The following ESR2 variants were observed in gnomAD, a reference collection of about 807,000 sequenced individuals.
The protein encoded by ESR2 is estrogen receptor beta.
Under a neutral mutation model 49.6 loss-of-function variants are expected in ESR2, and 36 were observed. The ratio of observed to expected loss-of-function variants is 0.73; its 90% confidence interval spans 0.56 to 0.96. The LOEUF (loss-of-function observed/expected upper bound fraction) is 0.96. Ranked by LOEUF, ESR2 falls within the 40% of genes least tolerant of loss-of-function variation. The pLI is 0.00. For missense variants in ESR2, 714 were observed against 693.0 expected (o/e 1.03, Z -0.34); for synonymous variants, 320 against 266.1 (o/e 1.20, Z -1.97).
chr14:64,267,712 T>C (rs2076359749), intron 4 of ESR2, among the ~76,000 whole-genome samples: 1 of 143,832 alleles, frequency 7.0e-6, no homozygotes. Context: ...CCATCTCTAC[T>C]AAAAATACAA....
At chr14:64,330,204 T>G (rs1156351129) in intron 1 of ESR2, 1 of 151,254 alleles carries the variant, frequency 6.6e-6, no homozygotes, top group Non-Finnish European at 1.5e-5. Flanking sequence ...CCAAGGCGGG[T>G]GGATCACCTG....
At chr14:64,271,474 T>G (rs1386480148) in intron 3 of ESR2, among the ~76,000 whole-genome samples, 1 of 152,132 alleles carries the variant, frequency 6.6e-6, no homozygotes, top group African/African-American at 2.4e-5. Flanking sequence ...TACAGGCGCA[T>G]GCCGCCACAC....
chr14:64,300,480 C>T (rs1418259029), intron 1 of ESR2, among the ~76,000 whole-genome samples: 2 of 152,328 alleles, frequency 1.3e-5, no homozygotes, highest in East Asian at 3.9e-4. Context: ...TTCTGACAGG[C>T]TGGGTGTGGT....
chr14:64,313,405 A>T (rs1460338206), intron 1 of ESR2, among the ~76,000 whole-genome samples: 1 of 151,822 alleles, frequency 6.6e-6, no homozygotes, highest in East Asian at 1.9e-4. Flanking sequence ...GTGGTGGTGC[A>T]CACCTGTAGT....
intron 7 of ESR2, among the ~76,000 whole-genome samples, chr14:64,245,404 C>CGT (rs2140660847): frequency 1.3e-5 from 2 of 149,028 alleles, no homozygotes; most frequent in Admixed American, 1.4e-4. Context: ...CCCAGCTACT[C>CGT]AGGAGGCTGA....
In ESR2 at chr14:64,257,457, G is replaced by T. The variant is rs979106605; in HGVS notation, c.953-93C>A. On this transcript the variant is annotated intron_variant, in intron 5 of 8. Transcript: ENST00000341099. ...AGAATGGCAAGTGTTAAAACACTAA[G>T]AAAACACAAACCATTAGGGAGTTGA... The T allele has an allele frequency of 6.8e-6, 10 of 1,469,558 alleles. No individual in the cohort carries two copies. In the African/African-American group the frequency reaches 1.4e-4, roughly 21 times the overall value. 91.0% of individuals were successfully genotyped at this position (1,469,558 alleles called of 1,614,324 possible).
At chr14:64,227,907 G>A (rs2098723228), downstream of ESR2, 1 of 1,597,454 alleles carries the variant, frequency 6.3e-7, no homozygotes, top group African/African-American at 1.3e-5. Context: ...AACTTCAAAT[G>A]AATGAATTGC....
In ESR2 at chr14:64,279,500, T is replaced by G. The variant is rs2140806933; in HGVS notation, c.535+481A>C. Among the ~76,000 whole-genome samples the G allele has an allele frequency of 2.0e-5, 3 of 152,174 alleles. No individual in the cohort carries two copies. The South Asian group carries it at 6.2e-4, about 32-fold the overall frequency. On this transcript the variant is annotated intron_variant, in intron 3 of 8. Transcript: ENST00000341099. ...GACCCTCCTAGCCTAGGGGAAGAAATGTGTCTAGATCAATTCTCAAAGTCC... is the reference window on the plus strand; with the variant it reads ...GACCCTCCTAGCCTAGGGGAAGAAAGGTGTCTAGATCAATTCTCAAAGTCC...
chr14:64,286,354 G>A (rs1193711779), intron 1 of ESR2, among the ~76,000 whole-genome samples: 1 of 152,050 alleles, frequency 6.6e-6, no homozygotes, highest in East Asian at 1.9e-4. Flanking sequence ...AGGCTGGAGT[G>A]CAGTGGTACA....
intron 1 of ESR2, among the ~76,000 whole-genome samples, chr14:64,284,731 T>C (rs747161486): frequency 2.0e-5 from 3 of 152,218 alleles, no homozygotes; most frequent in African/African-American, 7.2e-5. Flanking sequence ...TAGTTACCTT[T>C]GACTTCTCCC....
intron 1 of ESR2, among the ~76,000 whole-genome samples, chr14:64,315,081 T>C (rs1243862033): frequency 1.7e-4 from 25 of 148,370 alleles, no homozygotes; most frequent in African/African-American, 5.9e-4. Flanking sequence ...CCATCTCTAC[T>C]AAAAATACAA....
In ESR2 at chr14:64,331,873, G is replaced by A. The variant is rs79422746; in HGVS notation, c.-91+6025C>T. 6.0e-4 allele frequency among the ~76,000 whole-genome samples: 90 copies of A among 148,994 alleles called. 1 individual carries two copies. In the East Asian group the frequency reaches 0.016, roughly 27 times the overall value. On this transcript the variant is annotated intron_variant, in intron 1 of 8. Transcript: ENST00000358599. The stretch of plus-strand genomic sequence containing the variant: ...TCCTTTGCACAGTCTCCTTCAGAGA[G>A]TCCTTCTCTCCCTTTTCCAACACTG...
chr14:64,285,681 A>T (rs2076771797), intron 1 of ESR2, among the ~76,000 whole-genome samples: 1 of 152,046 alleles, frequency 6.6e-6, no homozygotes, highest in African/African-American at 2.4e-5. Context: ...TACAAAAGTT[A>T]GCCAGGCGTG....
chr14:64,233,555 GAC>G, intron 8 of ESR2: 1 of 520,806 alleles, frequency 1.9e-6, no homozygotes, highest in Non-Finnish European at 3.4e-6. Flanking sequence ...ACAATGGCCT[GAC>G]ACATAGGACA....
chr14:64,308,274 A>G (rs1443320829), intron 1 of ESR2, among the ~76,000 whole-genome samples: 7 of 152,160 alleles, frequency 4.6e-5, no homozygotes, highest in African/African-American at 1.4e-4. Flanking sequence ...TCGGCCTCCC[A>G]AAGTGCTAGG....
At chr14:64,233,625 C>T (rs940365342) in intron 8 of ESR2, 2 of 334,778 alleles carry the variant, frequency 6.0e-6, no homozygotes, top group African/African-American at 2.0e-5. Flanking sequence ...AACACTGAAT[C>T]CTCACTCATA....
intron 7 of ESR2, 90 bp from the exon 8 acceptor site, chr14:64,235,240 G>A (rs2075570390): frequency 7.2e-7 from 1 of 1,397,634 alleles, no homozygotes; most frequent in Non-Finnish European, 9.8e-7. Flanking sequence ...GCTCCGAGGT[G>A]ATCTGGGTTG....
chr14:64,238,955 C>T (rs954209322), intron 7 of ESR2, among the ~76,000 whole-genome samples: 6 of 152,144 alleles, frequency 3.9e-5, no homozygotes, highest in African/African-American at 1.2e-4. Context: ...AGATTTGCCA[C>T]GTCTGATTTG....
intron 6 of ESR2, 32 bp downstream of exon 6, chr14:64,257,194 T>G: frequency 6.2e-7 from 1 of 1,608,268 alleles, no homozygotes; most frequent in Non-Finnish European, 8.5e-7. Context: ...CTCAAACAAG[T>G]CAGAGAAGAA....
Sources: gnomAD v4.1 joint callset for allele counts (sites outside exome capture counted in the v4.1 genomes callset) on GRCh38, gnomAD v4.1.1 for gene constraint, MANE v1.5 for transcripts, NCBI Gene and HGNC (gene_info 2026-07-23, HGNC 2026-07-21) for gene names.